MAGI1: variants seen among roughly 807,000 people sequenced by gnomAD.
The protein encoded by MAGI1 is membrane-associated guanylate kinase, WW and PDZ domain-containing protein 1.
MAGI1 carries 58 observed loss-of-function variants against 139.9 expected under a neutral mutation model. That is an observed-to-expected ratio of 0.41 (90% CI 0.34 to 0.52). MAGI1 has a LOEUF of 0.52. MAGI1 is among the 20% of genes least tolerant of loss of function. MAGI1 has a pLI of 0.12. For missense variants in MAGI1, 1,874 were observed against 1,901.6 expected (o/e 0.99, Z 0.27); for synonymous variants, 812 against 737.9 (o/e 1.10, Z -1.63).
At chr3:65,691,227 C>G (rs893377154) in intron 1 of MAGI1, among the ~76,000 whole-genome samples, 14 of 149,022 alleles carry the variant, frequency 9.4e-5, no homozygotes, top group African/African-American at 3.5e-4. Context: ...GGTGTGAACC[C>G]GGGAGGAGGA....
chr3:65,371,555 C>T (rs1055455139), intron 18 of MAGI1, among the ~76,000 whole-genome samples: 1 of 152,088 alleles, frequency 6.6e-6, no homozygotes, highest in Non-Finnish European at 1.5e-5. Context: ...GCTGTGGCAA[C>T]CTCTTAAAAT....
intron 5 of MAGI1, among the ~76,000 whole-genome samples, chr3:65,455,500 CAGG>C (rs1179055692): frequency 1.3e-5 from 2 of 152,104 alleles, no homozygotes; most frequent in Non-Finnish European, 2.9e-5. Flanking sequence ...TGCTTGAGCT[CAGG>C]AGTTCAAAAC....
chr3:65,905,424 T>A (rs1437498986), intron 1 of MAGI1, among the ~76,000 whole-genome samples: 1 of 151,226 alleles, frequency 6.6e-6, no homozygotes, highest in Admixed American at 6.6e-5. Flanking sequence ...TATGAAATAT[T>A]TTTTTTTTCT....
chr3:65,870,826 T>C (rs1437948034), intron 1 of MAGI1, among the ~76,000 whole-genome samples: 2 of 151,996 alleles, frequency 1.3e-5, no homozygotes, highest in East Asian at 3.9e-4. Flanking sequence ...CTCATGCCTG[T>C]AATCCCAGCA....
intron 1 of MAGI1, among the ~76,000 whole-genome samples, chr3:65,693,892 T>G (rs2088908740): frequency 7.3e-6 from 1 of 136,942 alleles, no homozygotes; most frequent in Admixed American, 7.2e-5. Flanking sequence ...CTGGCTAATT[T>G]TTGATTTTAG....
In MAGI1 at chr3:65,356,230, A is replaced by G; in HGVS notation, c.*148T>C. ...CTTTTCATATATATTTTTTCTTATA[A>G]GATTTCAAATGCATAAAATGTTTGT... On this transcript the variant is annotated 3_prime_UTR_variant, in exon 23 of 23. Coordinates refer to ENST00000402939, the MANE Select transcript of MAGI1 (RefSeq NM_001033057.2). The G allele has an allele frequency of 1.4e-6, 1 of 718,674 alleles. No homozygotes were observed. The highest frequency in any genetic ancestry group is 2.1e-6 in the Non-Finnish European group (1 of 465,740). The allele number at this position is 718,674 out of a possible 1,614,324, so 44.5% of individuals were successfully genotyped here.
intron 2 of MAGI1, 55 bp downstream of exon 2, chr3:65,621,917 T>TCA (rs56026417): frequency 0.36 from 351,803 of 981,666 alleles, 31,564 homozygotes; most frequent in Non-Finnish European, 0.38. Context: ...CCTGGACTTT[T>TCA]CACACACACA....
chr3:65,844,298 T>A (rs1474687603), intron 1 of MAGI1: 3 of 350,432 alleles, frequency 8.6e-6, no homozygotes, highest in African/African-American at 6.5e-5. Context: ...CACGGTCAGA[T>A]TAACTGATAC....
intron 1 of MAGI1, among the ~76,000 whole-genome samples, chr3:65,856,667 T>C (rs1450424522): frequency 1.3e-5 from 2 of 152,206 alleles, no homozygotes; most frequent in Non-Finnish European, 2.9e-5. Flanking sequence ...AAGGACATCA[T>C]CACGTGCTAC....
rs142500483 is a variant in MAGI1 at position 65,636,331 on chromosome 3, G to T, written c.314-14243C>A. Among the ~76,000 whole-genome samples the T allele has an allele frequency of 3.0e-3, 462 of 152,226 alleles. 4 individuals carry two copies. The highest frequency in any genetic ancestry group is 0.014 in the Middle Eastern group (4 of 294). On this transcript the variant is annotated intron_variant, in intron 1 of 22. Coordinates refer to ENST00000402939, the MANE Select transcript of MAGI1 (RefSeq NM_001033057.2). ...ATTTAAAAAATATTTAGGGGAGAGA[G>T]TTCTAGGCTGATTATCAGATATTTC...
At chr3:65,759,249 C>G (rs1414089087) in intron 1 of MAGI1, among the ~76,000 whole-genome samples, 2 of 152,090 alleles carry the variant, frequency 1.3e-5, no homozygotes, top group Admixed American at 6.6e-5. Context: ...AAATATTGAA[C>G]TGAGCTGCTA....
intron 2 of MAGI1, among the ~76,000 whole-genome samples, chr3:65,610,917 A>G (rs1322746617): frequency 1.4e-5 from 2 of 139,768 alleles, no homozygotes; most frequent in Non-Finnish European, 3.1e-5. Flanking sequence ...GTATATAGAC[A>G]CTATATAGTA....
At chr3:65,493,467 G>A in intron 3 of MAGI1, 45 bp downstream of exon 3, 8 of 1,612,732 alleles carry the variant, frequency 5.0e-6, no homozygotes, top group African/African-American at 1.3e-5. Flanking sequence ...CTCCTCTCAA[G>A]TACCCAGGAG....
chr3:65,365,050 T>C lies in MAGI1; in HGVS notation c.3197-104A>G, dbSNP rs780951298. 1.6e-5 allele frequency: 14 copies of C among 884,796 alleles called. No individual in the cohort carries two copies. The East Asian group carries it at 3.4e-4, about 21-fold the overall frequency. 54.8% of individuals were successfully genotyped at this position (884,796 alleles called of 1,614,324 possible). ...GTATCTGAATAACAAGTGTGACTTC[T>C]CTGTCCCCATTTCAAGCAGTCTGAC... is the stretch of plus-strand genomic sequence containing the variant. On this transcript the variant is annotated intron_variant, in intron 18 of 22. Coordinates refer to ENST00000402939, the MANE Select transcript of MAGI1 (RefSeq NM_001033057.2).
At chr3:65,572,185 TTAAGAA>T (rs1179283372) in intron 2 of MAGI1, among the ~76,000 whole-genome samples, 3 of 152,142 alleles carry the variant, frequency 2.0e-5, no homozygotes, top group Non-Finnish European at 2.9e-5. Context: ...CCTCAATACT[TTAAGAA>T]TAATATCTTA....
At chr3:65,978,501 T>C (rs1244452236) in intron 1 of MAGI1, among the ~76,000 whole-genome samples, 1 of 152,106 alleles carries the variant, frequency 6.6e-6, no homozygotes, top group Admixed American at 6.6e-5. Flanking sequence ...TTTTCTCTCC[T>C]ATCATACCCC....
Position 65,354,670 on chromosome 3 carries a change from A to G in MAGI1, c.*1708T>C, listed in dbSNP as rs572067003. 3.9e-5 allele frequency: 6 copies of G among 152,752 alleles called. No individual in the cohort carries two copies. In the East Asian group the frequency reaches 1.2e-3, roughly 29 times the overall value. The allele number at this position is 152,752 out of a possible 1,614,324, so 9.5% of individuals were successfully genotyped here. A position where few individuals can be genotyped will look rare whatever the true frequency, so the allele number is the denominator to read the frequency against. On this transcript the variant is annotated 3_prime_UTR_variant, in exon 23 of 23. Coordinates refer to ENST00000402939, the MANE Select transcript of MAGI1 (RefSeq NM_001033057.2). ...GTCTCCCATTTTAAAACAACTTTAC[A>G]TACCTGATTTAGTTTACATTAAAAT...
rs533417881 is a variant in MAGI1 at position 65,669,425 on chromosome 3, G to T, written c.314-47337C>A. ...TTTTCCCTGGCATTTTTCTGTTAAA[G>T]CTTTGATTAACTTTCTCAAAGCACT... On this transcript the variant is annotated intron_variant, in intron 1 of 22. Coordinates refer to ENST00000402939, the MANE Select transcript of MAGI1 (RefSeq NM_001033057.2). Among the ~76,000 whole-genome samples, 9 of 152,230 alleles carry T rather than the reference G, an allele frequency of 5.9e-5. No individual in the cohort carries two copies. In the South Asian group the frequency reaches 1.7e-3, roughly 28 times the overall value.
chr3:65,361,959 T>TTGAA (rs1280665374), intron 21 of MAGI1, among the ~76,000 whole-genome samples: 1 of 152,230 alleles, frequency 6.6e-6, no homozygotes, highest in Non-Finnish European at 1.5e-5. Context: ...GACTGATGTA[T>TTGAA]TGAATGCAGC....
Sources: allele counts gnomAD v4.1 joint callset (sites outside exome capture counted in the v4.1 genomes callset), GRCh38; gene constraint gnomAD v4.1.1; transcripts MANE v1.5; gene names NCBI Gene and HGNC (gene_info 2026-07-23, HGNC 2026-07-21).